Variants in TP73 observed in about 807,000 individuals in gnomAD.
TP73 encodes tumor protein p73.
TP73 carries 25 observed loss-of-function variants against 62.5 expected under a neutral mutation model. The ratio of observed to expected loss-of-function variants is 0.40; its 90% CI spans 0.29 to 0.56. The LOEUF is 0.56. Ranked by LOEUF, TP73 falls within the 20% of genes least tolerant of loss-of-function variation. The probability of loss-of-function intolerance (pLI) is 0.46; values close to 1 mark genes in which losing one functional copy is unlikely to be tolerated. For missense variants in TP73, 754 were observed against 913.3 expected (o/e 0.83, Z 2.25); for synonymous variants, 423 against 377.5 (o/e 1.12, Z -1.40).
chr1:3,727,822 A>T (rs1395084071), intron 8 of TP73, 52 bp downstream of exon 8: 1 of 1,478,538 alleles, frequency 6.8e-7, no homozygotes, highest in East Asian at 2.5e-5. Context: ...AAGGGGACAC[A>T]TTGGCAGGAC....
chr1:3,685,580 T>C (rs2102105288), intron 3 of TP73, among the ~76,000 whole-genome samples: 1 of 152,194 alleles, frequency 6.6e-6, no homozygotes, highest in Middle Eastern at 3.4e-3. Context: ...GAGCATGCTG[T>C]CCCCTACCCC....
In TP73 at chr1:3,670,524, C is replaced by T. The variant is rs187735577; in HGVS notation, c.-33-11809C>T. On this transcript the variant is annotated intron_variant, in intron 1 of 13. Transcript: ENST00000378295. This position sits in a 1 kb window ranked among gnomAD's most constrained non-coding sequence, Gnocchi z 5.9. The stretch of plus-strand genomic sequence containing the variant: ...ACTAAAAATACAAAAATTAGCTGGG[C>T]GTGGTGGCGCACACAGCTGTAATCC... Among the ~76,000 whole-genome samples the T allele has an allele frequency of 2.9e-3, 439 of 151,974 alleles. No individual in the cohort carries two copies. The highest frequency in any genetic ancestry group is 9.2e-3 in the African/African-American group (381 of 41,440).
intron 4 of TP73, among the ~76,000 whole-genome samples, chr1:3,715,718 T>G (rs1276917344): frequency 1.3e-5 from 2 of 152,078 alleles, no homozygotes; most frequent in Non-Finnish European, 2.9e-5. Context: ...AAACGCTGCC[T>G]CGCAGCCTCC....
rs1351687973 is a variant in TP73 at position 3,731,497 on chromosome 1, G to A, written c.1519G>A (p.Glu507Lys). 4 of 1,613,806 alleles carry A rather than the reference G, an allele frequency of 2.5e-6. No individual in the cohort carries two copies. The highest frequency in any genetic ancestry group is 1.7e-5 in the Admixed American group (1 of 60,024). Residue 507 changes from glutamate (E) to lysine (K), a missense_variant, in exon 13 of 14, where the codon GAG (glutamate) becomes AAG (lysine). Physicochemically the swap from Glu to Lys is moderately conservative, Grantham distance 56. Coordinates refer to ENST00000378295, the MANE Select transcript of TP73 (RefSeq NM_005427.4). ...LTGLGCPNCI[E>K]YFTSQGLQSI... ...AGGATTGGGGTGTCCAAACTGCATC[G>A]AGTATTTCACCTCCCAAGGGTTACA...
rs369489507 is a variant in TP73, at chr1:3,701,320, G to A, written c.187-6229G>A. Among the ~76,000 whole-genome samples the A allele has an allele frequency of 1.1e-4, 17 of 152,262 alleles. 1 individual carries two copies. In the East Asian group the frequency reaches 1.2e-3, roughly 10 times the overall value. ...CCTGTTCCTCGGCGGAGCCTGCCCA[G>A]CCGTCGTTCCTCCTGGCTGGGTTTT... On this transcript the variant is annotated intron_variant, in intron 3 of 13. Coordinates refer to ENST00000378295, the MANE Select transcript of TP73 (RefSeq NM_005427.4). This position sits in a 1 kb window ranked among gnomAD's most constrained non-coding sequence, Gnocchi z 4.7.
At chr1:3,704,164 C>T (rs1169139162) in intron 3 of TP73, among the ~76,000 whole-genome samples, 1 of 152,232 alleles carries the variant, frequency 6.6e-6, no homozygotes, top group Non-Finnish European at 1.5e-5. Context: ...GGTGTCGGCT[C>T]CGAGCCGTGT....
In TP73 at chr1:3,727,597, G is replaced by A. The variant is rs374546414; in HGVS notation, c.843-31G>A. On this transcript the variant is annotated intron_variant, in intron 7 of 13. Transcript: ENST00000378295. ...GCAGGTTGAGGGTGGGCAGGGTTGA[G>A]CTCACAATTCTGGCTGTGCCCACCC... is the stretch of plus-strand genomic sequence containing the variant. 1.6e-4 allele frequency: 260 copies of A among 1,583,888 alleles called. 1 individual carries two copies. Among genetic ancestry groups the A allele is most frequent in the Non-Finnish European group, 1.1e-4 (133 of 1,169,836 alleles).
At chr1:3,732,595 TG>T in intron 13 of TP73, 151 bp from the exon 14 acceptor site, 1 of 674,814 alleles carries the variant, frequency 1.5e-6, no homozygotes, top group Non-Finnish European at 2.5e-6. Flanking sequence ...GGAGTGACTC[TG>T]GTGGGCTCTC....
rs1048215462 is a variant in TP73, at chr1:3,732,692, C to T, written c.1579-55C>T. ...CAGACCTCCAGGCCCAGGGCGACCC[C>T]CCCTGCTCTCCCTGCTCCACTGCCC... On this transcript the variant is annotated intron_variant, in intron 13 of 13. Coordinates refer to ENST00000378295, the MANE Select transcript of TP73 (RefSeq NM_005427.4). The T allele has an allele frequency of 2.6e-5, 39 of 1,483,918 alleles. No individual in the cohort carries two copies. In the Middle Eastern group the frequency reaches 8.1e-4, roughly 31 times the overall value. The allele number at this position is 1,483,918 out of a possible 1,614,324, so 91.9% of individuals were successfully genotyped here.
At chr1:3,718,873 C>T (rs1640833342) in intron 4 of TP73, among the ~76,000 whole-genome samples, 1 of 152,090 alleles carries the variant, frequency 6.6e-6, no homozygotes, top group Non-Finnish European at 1.5e-5. Flanking sequence ...GTGGCTCCAG[C>T]CCCCCGCAAC....
rs1375403915 is a variant in TP73, at chr1:3,672,618, G to A, written c.-33-9715G>A. 2.0e-5 allele frequency among the ~76,000 whole-genome samples: 3 copies of A among 150,744 alleles called. No individual in the cohort carries two copies. Among genetic ancestry groups the A allele is most frequent in the Non-Finnish European group, 2.9e-5 (2 of 67,852 alleles). On this transcript the variant is annotated intron_variant, in intron 1 of 13. Transcript: ENST00000378295. The surrounding 1 kb of genome is among the most constrained non-coding windows in gnomAD (Gnocchi z 5.3). ...CCCTCACCCCCTATCCTTGGCAGTC[G>A]GTCCTCTGGGTCTTCTTCCTGTGCC... is the stretch of plus-strand genomic sequence containing the variant.
intron 1 of TP73, among the ~76,000 whole-genome samples, chr1:3,653,751 C>T (rs1172645429): frequency 2.0e-5 from 3 of 152,190 alleles, no homozygotes; most frequent in Non-Finnish European, 2.9e-5. Context: ...ACTTACTGAG[C>T]GCTGAGCCAC....
chr1:3,663,124 A>G lies in TP73; in HGVS notation c.-34+10483A>G, dbSNP rs1645033020. On this transcript the variant is annotated intron_variant, in intron 1 of 13. Coordinates refer to ENST00000378295, the MANE Select transcript of TP73 (RefSeq NM_005427.4). The surrounding 1 kb of genome is among the most constrained non-coding windows in gnomAD (Gnocchi z 4.7). ...CCTGGGAGATCAATTCATGCCACCA[A>G]GATCAGCTGCAGGCCGGGCCACCCA... 1.3e-5 allele frequency among the ~76,000 whole-genome samples: 2 copies of G among 152,116 alleles called. No homozygotes were observed. Among genetic ancestry groups the G allele is most frequent in the Admixed American group, 1.3e-4 (2 of 15,280 alleles).
rs770506799 is a variant in TP73, at chr1:3,731,552, T to C, written c.1574T>C (p.Ile525Thr). 2.1e-5 allele frequency: 34 copies of C among 1,613,526 alleles called. 1 individual carries two copies. Among genetic ancestry groups the C allele is most frequent in the East Asian group, 6.7e-5 (3 of 44,898 alleles). ...ATTTACCACCTGCAGAACCTGACCA[T>C]TGAGGTAACGCCCGGGTGGACCCCG... ...QSIYHLQNLT[I>T]EDLGALKIPE... is the part of the protein sequence containing the mutation. The change falls in exon 13 of 14, where the codon ATT (isoleucine) becomes ACT (threonine). Residue 525 changes from isoleucine (I) to threonine (T), a missense_variant. By Grantham distance (89) the Ile-to-Thr change is moderately conservative (BLOSUM62 -1). Around this residue, in one of 3 missense-constraint regions of TP73, gnomAD observed 458 missense variants for 528.7 expected, o/e 0.87. Transcript: ENST00000378295.
chr1:3,708,175 C>G, intron 4 of TP73: 1 of 291,520 alleles, frequency 3.4e-6, no homozygotes, highest in Non-Finnish European at 6.6e-6. Context: ...CGAGACAGGC[C>G]CACAGCCCTA....
At chr1:3,713,500 G>A (rs148232907) in intron 4 of TP73, among the ~76,000 whole-genome samples, 1 of 152,160 alleles carries the variant, frequency 6.6e-6, no homozygotes, top group East Asian at 1.9e-4. Context: ...GGCAAGGTGG[G>A]GGGCTCAGCT....
At chr1:3,688,071 C>T (rs924306477) in intron 3 of TP73, among the ~76,000 whole-genome samples, 2 of 152,136 alleles carry the variant, frequency 1.3e-5, no homozygotes, top group East Asian at 3.9e-4. Context: ...GAGAAGGACA[C>T]CCCTCCCTTC....
intron 3 of TP73, among the ~76,000 whole-genome samples, chr1:3,688,416 G>T (rs577915970): frequency 1.7e-4 from 26 of 152,338 alleles, no homozygotes; most frequent in African/African-American, 6.3e-4. Flanking sequence ...CCCCCTGTCT[G>T]TTCTGGCACA....
At chr1:3,665,528 G>A (rs574662957) in intron 1 of TP73, among the ~76,000 whole-genome samples, 56 of 152,244 alleles carry the variant, frequency 3.7e-4, no homozygotes, top group African/African-American at 1.3e-3. Context: ...TGAAGTATAC[G>A]GTTAGTAATT....
Sources: gnomAD v4.1 joint callset for allele counts (sites outside exome capture counted in the v4.1 genomes callset) on GRCh38, gnomAD v4.1.1 for gene constraint, gnomAD v4.1.1 regional missense constraint, Gnocchi (gnomAD v3.1) non-coding constraint, MANE v1.5 for transcripts, NCBI Gene and HGNC (gene_info 2026-07-23, HGNC 2026-07-21) for gene names.